Variants in NRG1 observed in about 807,000 individuals in gnomAD.
NRG1 encodes the protein pro-neuregulin-1, membrane-bound isoform.
NRG1 carries 18 observed loss-of-function variants against 63.8 expected under a neutral mutation model. The ratio of observed to expected loss-of-function variants is 0.28; its 90% CI spans 0.19 to 0.42. The LOEUF is 0.42. NRG1 is among the 10% of genes least tolerant of loss of function. The pLI is 1.00. For missense variants in NRG1, 762 were observed against 814.7 expected, an observed-to-expected ratio of 0.94 and a Z score of 0.79; for synonymous variants, 302 against 301.3, an observed-to-expected ratio of 1.00 and a Z score of -0.02.
At chr8:32,090,278 CAT>C (rs1828914393) in intron 1 of NRG1, among the ~76,000 whole-genome samples, 1 of 152,162 alleles carries the variant, frequency 6.6e-6, no homozygotes, top group Non-Finnish European at 1.5e-5. Context: ...GATTTTGTTT[CAT>C]ATATTGATAA....
At chr8:32,575,296 T>C (rs1455396840) in intron 1 of NRG1, among the ~76,000 whole-genome samples, 2 of 152,176 alleles carry the variant, frequency 1.3e-5, no homozygotes, top group Non-Finnish European at 2.9e-5. Flanking sequence ...CATGTTCAAT[T>C]GCCTTGTGGT....
chr8:32,771,533 ATT>A (rs1831788188), downstream of NRG1, among the ~76,000 whole-genome samples: 1 of 150,302 alleles, frequency 6.7e-6, no homozygotes, highest in Non-Finnish European at 1.5e-5. Context: ...GTGTTTTATT[ATT>A]AATATAATTT....
At chr8:31,953,092 G>C (rs925776002) in intron 1 of NRG1, among the ~76,000 whole-genome samples, 3 of 151,172 alleles carry the variant, frequency 2.0e-5, no homozygotes, top group Non-Finnish European at 4.4e-5. Context: ...CCCAAACTCA[G>C]TAAAAAGCAA....
intron 5 of NRG1, among the ~76,000 whole-genome samples, chr8:32,640,962 C>T (rs1326074424): frequency 6.6e-6 from 1 of 151,316 alleles, no homozygotes; most frequent in Non-Finnish European, 1.5e-5. Flanking sequence ...CCTGCCTCTA[C>T]AAAATAATAA....
chr8:32,396,522 C>G (rs1812455233), intron 1 of NRG1, among the ~76,000 whole-genome samples: 1 of 152,138 alleles, frequency 6.6e-6, no homozygotes, highest in Non-Finnish European at 1.5e-5. Flanking sequence ...AATCTCAGCT[C>G]ACTGCAACCT....
intron 1 of NRG1, among the ~76,000 whole-genome samples, chr8:32,010,127 T>C (rs1586450172): frequency 6.6e-6 from 1 of 152,144 alleles, no homozygotes; most frequent in Middle Eastern, 3.4e-3. Context: ...CTTGCAACAA[T>C]AGCTTGCGTC....
chr8:32,743,277 T>A, intron 7 of NRG1: 5 of 946,954 alleles, frequency 5.3e-6, no homozygotes, highest in Non-Finnish European at 5.0e-6. Context: ...GGCATTTTTT[T>A]AAAAAAGCAT....
intron 1 of NRG1, among the ~76,000 whole-genome samples, chr8:31,722,240 C>T (rs987909410): frequency 2.6e-5 from 4 of 152,054 alleles, no homozygotes; most frequent in Admixed American, 6.6e-5. Context: ...TATACTACTG[C>T]GATTTTCCAT....
At chr8:32,538,651 G>A (rs1194454181) in intron 1 of NRG1, among the ~76,000 whole-genome samples, 1 of 152,194 alleles carries the variant, frequency 6.6e-6, no homozygotes, top group African/African-American at 2.4e-5. Context: ...AGTATATTGA[G>A]TTGGAGTAAA....
intron 1 of NRG1, among the ~76,000 whole-genome samples, chr8:32,260,274 TC>T (rs1850220492): frequency 6.6e-6 from 1 of 152,192 alleles, no homozygotes; most frequent in African/African-American, 2.4e-5. Context: ...GAGGCAGAAG[TC>T]CTTTGGAAAA....
intron 1 of NRG1, among the ~76,000 whole-genome samples, chr8:31,861,033 C>T (rs147622259): frequency 3.3e-5 from 5 of 152,184 alleles, no homozygotes; most frequent in Admixed American, 2.0e-4. Flanking sequence ...AACCTGCCAA[C>T]GTTAGTGATA....
At chr8:32,147,357 A>G (rs948600439) in intron 1 of NRG1, among the ~76,000 whole-genome samples, 2 of 152,252 alleles carry the variant, frequency 1.3e-5, no homozygotes, top group Non-Finnish European at 2.9e-5. Flanking sequence ...GAAACAATCT[A>G]AATAAATGTC....
intron 1 of NRG1, among the ~76,000 whole-genome samples, chr8:32,281,811 C>CA (rs1413885613): frequency 6.6e-6 from 1 of 151,986 alleles, no homozygotes; most frequent in Admixed American, 6.6e-5. Flanking sequence ...TGAGACCCCC[C>CA]CCATCTCTTT....
chr8:31,789,022 G>A (rs369632471), intron 1 of NRG1, among the ~76,000 whole-genome samples: 1 of 152,126 alleles, frequency 6.6e-6, no homozygotes, highest in East Asian at 1.9e-4. Flanking sequence ...ATCTTTCCAT[G>A]CTATCATATT....
intron 1 of NRG1, among the ~76,000 whole-genome samples, chr8:32,021,129 G>A (rs1347609278): frequency 1.3e-5 from 2 of 152,126 alleles, no homozygotes; most frequent in Non-Finnish European, 2.9e-5. Flanking sequence ...AACATTCCAA[G>A]TATATTCAAA....
intron 1 of NRG1, among the ~76,000 whole-genome samples, chr8:32,008,204 C>T (rs1814098719): frequency 6.6e-6 from 1 of 151,902 alleles, no homozygotes; most frequent in African/African-American, 2.4e-5. Context: ...TTTGTTCTTT[C>T]ATATATTTAT....
At chr8:31,646,615 T>G (rs988427266) in intron 1 of NRG1, among the ~76,000 whole-genome samples, 2 of 152,238 alleles carry the variant, frequency 1.3e-5, no homozygotes, top group Non-Finnish European at 2.9e-5. Flanking sequence ...CACATAGTTA[T>G]AACTACCACT....
chr8:31,968,817 G>A (rs1806805920), intron 1 of NRG1, among the ~76,000 whole-genome samples: 1 of 152,148 alleles, frequency 6.6e-6, no homozygotes, highest in Non-Finnish European at 1.5e-5. Context: ...TGGCATAAAT[G>A]TGGCAATTGA....
At chr8:32,540,444 G>A (rs770683689) in intron 1 of NRG1, among the ~76,000 whole-genome samples, 3 of 151,938 alleles carry the variant, frequency 2.0e-5, no homozygotes, top group South Asian at 2.1e-4. Context: ...AAAAAACAAC[G>A]ACAACAAAAA....
Sources: allele counts gnomAD v4.1 joint callset (sites outside exome capture counted in the v4.1 genomes callset), GRCh38; gene constraint gnomAD v4.1.1; transcripts MANE v1.5; gene names NCBI Gene and HGNC (gene_info 2026-07-23, HGNC 2026-07-21).